Variants in ZSCAN25 observed in about 807,000 individuals in gnomAD.
ZSCAN25 encodes the protein zinc finger and SCAN domain-containing protein 25.
A neutral mutation model predicts 38.7 loss-of-function variants in ZSCAN25; 27 were observed. The observed-to-expected ratio is 0.70, with a 90% CI of 0.51 to 0.96. The LOEUF is 0.96. ZSCAN25 is among the 40% of genes least tolerant of loss of function. The probability of loss-of-function intolerance (pLI) is 0.00; values close to 1 mark genes in which losing one functional copy is unlikely to be tolerated. For synonymous variants in ZSCAN25, 273 were observed against 277.7 expected, an observed-to-expected ratio of 0.98 and a Z score of 0.17; for missense variants, 637 against 705.9, an observed-to-expected ratio of 0.90 and a Z score of 1.11.
At chr7:99,707,829 G>C in the ZSCAN25 span, 1 of 1,613,870 alleles carries the variant, frequency 6.2e-7, no homozygotes, top group South Asian at 1.1e-5. Flanking sequence ...TCTTTACAAG[G>C]TTTGAAGGAG....
chr7:99,716,899 CT>C, the ZSCAN25 span, among the ~76,000 whole-genome samples: 1 of 152,198 alleles, frequency 6.6e-6, no homozygotes, highest in Non-Finnish European at 1.5e-5. Context: ...ACTTTTCCCC[CT>C]AAAGGATGTA....
the ZSCAN25 span, chr7:99,665,348 G>C: frequency 1.9e-6 from 3 of 1,613,076 alleles, no homozygotes; most frequent in Non-Finnish European, 2.5e-6. Flanking sequence ...ATTAAAATCA[G>C]CACCTCTTAC....
chr7:99,617,003 C>G lies in ZSCAN25; in HGVS notation c.-272C>G, dbSNP rs1038668743. ...CGACCCTAGCGGGTGAGAGGCCCTTCAGGGCCGCGGCGGGTGAGAGCCTCT... is the reference window on the plus strand; with the variant it reads ...CGACCCTAGCGGGTGAGAGGCCCTTGAGGGCCGCGGCGGGTGAGAGCCTCT... On this transcript the variant is annotated 5_prime_UTR_variant, in exon 1 of 8. Coordinates refer to ENST00000394152, the MANE Select transcript of ZSCAN25 (RefSeq NM_145115.3). The G allele has an allele frequency of 6.6e-6, 1 of 152,232 alleles. No homozygotes were observed. The highest frequency in any genetic ancestry group is 1.5e-5 in the Non-Finnish European group (1 of 68,064). 9.4% of individuals were successfully genotyped at this position (152,232 alleles called of 1,614,324 possible).
the ZSCAN25 span, chr7:99,650,291 G>GT: frequency 5.9e-6 from 9 of 1,538,360 alleles, no homozygotes; most frequent in African/African-American, 1.4e-5. Flanking sequence ...AGAGTTACAT[G>GT]TTAGGGGTTC....
At chr7:99,646,611 T>C in the ZSCAN25 span, among the ~76,000 whole-genome samples, 2 of 152,182 alleles carry the variant, frequency 1.3e-5, no homozygotes, top group Non-Finnish European at 2.9e-5. Context: ...GCACAAAAAG[T>C]GTCCTGGGCT....
the ZSCAN25 span, among the ~76,000 whole-genome samples, chr7:99,724,803 G>A: frequency 1.6e-4 from 25 of 152,262 alleles, no homozygotes; most frequent in South Asian, 1.9e-3. Context: ...ATCAGTCAGC[G>A]TTTAGGCTCT....
chr7:99,620,127 T>G, intron 4 of ZSCAN25, 134 bp downstream of exon 4: 1 of 1,320,190 alleles, frequency 7.6e-7, no homozygotes, highest in Non-Finnish European at 1.0e-6. Flanking sequence ...CTCCCTGAGG[T>G]TCTTTTTGGA....
chr7:99,699,011 C>G, the ZSCAN25 span, among the ~76,000 whole-genome samples: 2 of 152,194 alleles, frequency 1.3e-5, no homozygotes, highest in African/African-American at 4.8e-5. Context: ...GGAGCCTCCA[C>G]TAACCACAGT....
chr7:99,648,417 A>G, the ZSCAN25 span: 5 of 1,566,910 alleles, frequency 3.2e-6, no homozygotes, highest in Non-Finnish European at 4.4e-6. Context: ...TAGTTAAACA[A>G]GCATATGGAG....
At chr7:99,652,742 T>C in the ZSCAN25 span, 252 of 1,614,086 alleles carry the variant, frequency 1.6e-4, 2 homozygotes, top group Middle Eastern at 1.3e-3. Flanking sequence ...CATGTCAAGG[T>C]ACTCCATCTG....
At chr7:99,729,921 G>A in the ZSCAN25 span, among the ~76,000 whole-genome samples, 13 of 152,242 alleles carry the variant, frequency 8.5e-5, no homozygotes, top group African/African-American at 2.9e-4. Context: ...CTCCTCACAC[G>A]GACGCATGTG....
At chr7:99,632,989 G>GTTGTTTTTTTTTTTTTTTTT (rs1554412109), downstream of ZSCAN25, among the ~76,000 whole-genome samples, 9 of 128,524 alleles carry the variant, frequency 7.0e-5, no homozygotes, top group African/African-American at 2.7e-4. Flanking sequence ...ATTTTCTGTT[G>GTTGTTTTTTTTTTTTTTTTT]TTTTTTTTTT....
chr7:99,722,387 A>T, the ZSCAN25 span: 2 of 1,607,402 alleles, frequency 1.2e-6, no homozygotes, highest in Non-Finnish European at 1.7e-6. Flanking sequence ...TTATTATTTT[A>T]AGTGTACTTA....
the ZSCAN25 span, among the ~76,000 whole-genome samples, chr7:99,706,936 A>T: frequency 6.6e-6 from 1 of 152,234 alleles, no homozygotes; most frequent in Non-Finnish European, 1.5e-5. Flanking sequence ...ACATTCTTAG[A>T]TAAAGAGAAA....
At chr7:99,689,121 A>G in the ZSCAN25 span, among the ~76,000 whole-genome samples, 3 of 152,246 alleles carry the variant, frequency 2.0e-5, no homozygotes, top group Non-Finnish European at 4.4e-5. Flanking sequence ...GAAAAGCAAG[A>G]GCAAACACAT....
chr7:99,706,565 C>A, the ZSCAN25 span, among the ~76,000 whole-genome samples: 1 of 152,210 alleles, frequency 6.6e-6, no homozygotes, highest in Non-Finnish European at 1.5e-5. Flanking sequence ...TTTATAGGGT[C>A]TTGCTTAATA....
At chr7:99,620,035 G>A (rs773707511) in intron 4 of ZSCAN25, 42 bp downstream of exon 4, 1 of 1,554,138 alleles carries the variant, frequency 6.4e-7, no homozygotes, top group East Asian at 2.3e-5. Flanking sequence ...CTTGGCGTGG[G>A]CAGGGAATGT....
chr7:99,730,882 G>A, the ZSCAN25 span: 7 of 764,392 alleles, frequency 9.2e-6, no homozygotes, highest in Admixed American at 1.5e-4. Flanking sequence ...TGAGGTTCCT[G>A]AGAGTTAGCA....
chr7:99,664,901 T>C, the ZSCAN25 span, among the ~76,000 whole-genome samples: 2 of 152,094 alleles, frequency 1.3e-5, no homozygotes, highest in Non-Finnish European at 2.9e-5. Context: ...GTGTCCAGAA[T>C]AGGCAAATCT....
Sources: allele counts gnomAD v4.1 joint callset (sites outside exome capture counted in the v4.1 genomes callset), GRCh38; gene constraint gnomAD v4.1.1; transcripts MANE v1.5; gene names NCBI Gene and HGNC (gene_info 2026-07-23, HGNC 2026-07-21).